ADAD1: variants seen among roughly 807,000 people sequenced by gnomAD.
ADAD1 encodes adenosine deaminase domain-containing protein 1.
Under a neutral mutation model 66.8 loss-of-function variants are expected in ADAD1, and 46 were observed. The observed-to-expected ratio is 0.69, with a 90% CI of 0.54 to 0.88. The LOEUF (loss-of-function observed/expected upper bound fraction) is 0.88, where lower values mean the gene tolerates loss of function less well. ADAD1 is among the 40% of genes least tolerant of loss of function. ADAD1 has a pLI of 0.00. For synonymous variants in ADAD1, 248 were observed against 229.4 expected, an observed-to-expected ratio of 1.08 and a Z score of -0.73; for missense variants, 617 against 681.8, an observed-to-expected ratio of 0.91 and a Z score of 1.06.
chr4:122,380,495 A>G, intron 3 of ADAD1: 3 of 464,450 alleles, frequency 6.5e-6, no homozygotes, highest in Non-Finnish European at 1.1e-5. Context: ...TGCCTTTCTG[A>G]GGTGAGGCGC....
intron 10 of ADAD1, among the ~76,000 whole-genome samples, chr4:122,413,055 G>C (rs1476836150): frequency 6.6e-6 from 1 of 152,120 alleles, no homozygotes; most frequent in East Asian, 1.9e-4. Flanking sequence ...TGACCGTCCA[G>C]CTGGATAAGG....
At chr4:122,420,045 G>A (rs965165615) in intron 11 of ADAD1, among the ~76,000 whole-genome samples, 1 of 152,082 alleles carries the variant, frequency 6.6e-6, no homozygotes, top group African/African-American at 2.4e-5. Context: ...CAAGGGAAAT[G>A]AGAGAGAGAA....
Position 122,407,976 on chromosome 4 carries a change from G to A in ADAD1, c.793G>A (p.Gly265Arg). The change falls in exon 8 of 13, where the codon GGA becomes AGA. Residue 265 changes from glycine (G) to arginine (R), a missense_variant. Gly to Arg is a moderately radical substitution (Grantham distance 125, BLOSUM62 -2). Coordinates refer to ENST00000296513, the MANE Select transcript of ADAD1 (RefSeq NM_139243.4). Reference sequence around the variant, plus strand: ...TTACAGCCAGGACATTAAGCCAGATGGAAGAGTATTGCATGACACTCATGC... The same window carrying A: ...TTACAGCCAGGACATTAAGCCAGATAGAAGAGTATTGCATGACACTCATGC... The part of the protein sequence containing the change: ...YNYSQDIKPD[G>R]RVLHDTHAVV... 2 of 1,613,742 alleles carry A rather than the reference G, an allele frequency of 1.2e-6. No homozygotes were observed. Among genetic ancestry groups the A allele is most frequent in the African/African-American group, 1.3e-5 (1 of 75,010 alleles).
intron 12 of ADAD1, among the ~76,000 whole-genome samples, chr4:122,428,353 T>C (rs1007011617): frequency 6.6e-6 from 1 of 152,164 alleles, no homozygotes; most frequent in African/African-American, 2.4e-5. Context: ...AAATACAAAC[T>C]ACAGACTATG....
intron 7 of ADAD1, among the ~76,000 whole-genome samples, chr4:122,406,278 T>C (rs889162151): frequency 3.9e-5 from 6 of 152,216 alleles, no homozygotes; most frequent in South Asian, 2.1e-4. Flanking sequence ...GGAGTGAGGA[T>C]ATCTCATTGT....
intron 5 of ADAD1, among the ~76,000 whole-genome samples, chr4:122,391,091 C>T (rs183166292): frequency 1.8e-4 from 27 of 152,146 alleles, no homozygotes; most frequent in African/African-American, 4.8e-4. Context: ...TCTGCTTGTT[C>T]GTTTTTCTTT....
intron 12 of ADAD1, among the ~76,000 whole-genome samples, chr4:122,427,929 A>G (rs569564267): frequency 2.0e-5 from 3 of 152,320 alleles, no homozygotes; most frequent in East Asian, 3.9e-4. Flanking sequence ...AATTAAGACA[A>G]TGTATTGATG....
rs902042694 is a variant in ADAD1, at chr4:122,407,966, T to C, written c.783T>C (p.Ile261=). Residue 261 remains isoleucine (I), a synonymous_variant, in exon 8 of 13, where the codon ATT becomes ATC. Transcript: ENST00000296513. The part of the protein sequence containing the change: ...GTGEYNYSQD[I]KPDGRVLHDT... The stretch of plus-strand genomic sequence containing the variant: ...GTGAATACAATTACAGCCAGGACAT[T>C]AAGCCAGATGGAAGAGTATTGCATG... 6.2e-7 allele frequency: 1 copy of C among 1,613,866 alleles called. No homozygotes were observed. The highest frequency in any genetic ancestry group is 8.5e-7 in the Non-Finnish European group (1 of 1,179,868).
chr4:122,386,573 C>G (rs562638689), intron 5 of ADAD1, among the ~76,000 whole-genome samples: 171 of 152,290 alleles, frequency 1.1e-3, no homozygotes, highest in Non-Finnish European at 2.1e-3. Flanking sequence ...GCTTTTGTTG[C>G]AATCGCTTTT....
intron 7 of ADAD1, among the ~76,000 whole-genome samples, chr4:122,398,678 A>C (rs1795827965): frequency 6.6e-6 from 1 of 151,960 alleles, no homozygotes; most frequent in Non-Finnish European, 1.5e-5. Flanking sequence ...GTCTTGCAGG[A>C]GTAAGGTGGT....
chr4:122,381,119 CTTGCACCAGT>C lies in ADAD1; in HGVS notation c.307_316del (p.Gln103LysfsTer13), dbSNP rs1207423553. On this transcript the variant is annotated frameshift_variant, in exon 4 of 13. Coordinates refer to ENST00000296513, the MANE Select transcript of ADAD1 (RefSeq NM_139243.4). LOFTEE classifies it high-confidence loss of function. ...GTGGAGAGATAAATCCTGTGTCAGCCTTGCACCAGTTTGCACAAATGCAGCGAGTTCAGCT... is the reference window on the plus strand; with the variant it reads ...GTGGAGAGATAAATCCTGTGTCAGCCTTGCACAAATGCAGCGAGTTCAGCT... 4 of 1,601,240 alleles carry C rather than the reference CTTGCACCAGT, an allele frequency of 2.5e-6. No homozygotes were observed. Among genetic ancestry groups the C allele is most frequent in the Non-Finnish European group, 3.4e-6 (4 of 1,177,524 alleles).
chr4:122,384,188 G>C (rs893919566), intron 5 of ADAD1, among the ~76,000 whole-genome samples: 2 of 152,122 alleles, frequency 1.3e-5, no homozygotes, highest in Admixed American at 1.3e-4. Flanking sequence ...TAAACTGTCC[G>C]GTAACTTGTC....
At chr4:122,382,604 A>G (rs1794960896) in intron 4 of ADAD1, among the ~76,000 whole-genome samples, 3 of 152,136 alleles carry the variant, frequency 2.0e-5, no homozygotes, top group African/African-American at 4.8e-5. Flanking sequence ...TGTCCTGTAG[A>G]GAAGGAGTCT....
intron 10 of ADAD1, 124 bp downstream of exon 10, chr4:122,412,933 C>T: frequency 1.4e-6 from 1 of 739,962 alleles, no homozygotes; most frequent in East Asian, 2.6e-5. Context: ...GGTCAAAACA[C>T]AGATCTGCTG....
rs563256388 is a variant in ADAD1 at position 122,407,535 on chromosome 4, T to C, written c.725-373T>C. 2.2e-4 allele frequency among the ~76,000 whole-genome samples: 34 copies of C among 152,318 alleles called. No individual in the cohort carries two copies. In the South Asian group the frequency reaches 6.4e-3, roughly 29 times the overall value. Reference sequence around the variant, plus strand: ...TAAGAAAAATTAGAGGCATTAAATATAGATAATTTAAGACAGAAGCAGAAT... The same window carrying C: ...TAAGAAAAATTAGAGGCATTAAATACAGATAATTTAAGACAGAAGCAGAAT... On this transcript the variant is annotated intron_variant, in intron 7 of 12. Coordinates refer to ENST00000296513, the MANE Select transcript of ADAD1 (RefSeq NM_139243.4).
At chr4:122,403,415 T>C (rs1390979641) in intron 7 of ADAD1, among the ~76,000 whole-genome samples, 1 of 152,204 alleles carries the variant, frequency 6.6e-6, no homozygotes, top group Admixed American at 6.5e-5. Flanking sequence ...AAGTGGACTC[T>C]GTGGGAATCC....
chr4:122,422,634 A>T (rs973891693), intron 12 of ADAD1, among the ~76,000 whole-genome samples: 1 of 152,218 alleles, frequency 6.6e-6, no homozygotes, highest in Admixed American at 6.5e-5. Flanking sequence ...TTTAAGTATA[A>T]AAGCTTTTCT....
rs77279830 is a variant in ADAD1 at position 122,405,168 on chromosome 4, G to A, written c.725-2740G>A. ...ATTCAGCATTCATGGCATGACATCC[G>A]TATCCTAGGAATGAAAGCAGAGTCT... On this transcript the variant is annotated intron_variant, in intron 7 of 12. Coordinates refer to ENST00000296513, the MANE Select transcript of ADAD1 (RefSeq NM_139243.4). Among the ~76,000 whole-genome samples, 1,144 of 152,222 alleles carry A rather than the reference G, an allele frequency of 7.5e-3. 11 individuals carry two copies. Among genetic ancestry groups the A allele is most frequent in the South Asian group, 0.029 (138 of 4,828 alleles).
rs1796299142 is a variant in ADAD1 at position 122,408,092 on chromosome 4, A to G, written c.848+61A>G. Reference sequence around the variant, plus strand: ...AATGCCCTCAGCCCAAAGTAACTTCATATAAATGTCTTCATTTACAAATGG... The same window carrying G: ...AATGCCCTCAGCCCAAAGTAACTTCGTATAAATGTCTTCATTTACAAATGG... On this transcript the variant is annotated intron_variant, in intron 8 of 12. Coordinates refer to ENST00000296513, the MANE Select transcript of ADAD1 (RefSeq NM_139243.4). 6.1e-6 allele frequency: 9 copies of G among 1,482,358 alleles called. No homozygotes were observed. The Admixed American group carries it at 6.2e-5, about 10-fold the overall frequency. 91.8% of individuals were successfully genotyped at this position (1,482,358 alleles called of 1,614,324 possible).
Sources: allele counts gnomAD v4.1 joint callset (sites outside exome capture counted in the v4.1 genomes callset), GRCh38; gene constraint gnomAD v4.1.1; transcripts MANE v1.5; gene names NCBI Gene and HGNC (gene_info 2026-07-23, HGNC 2026-07-21).